The following PDE3B variants were observed in gnomAD, a reference collection of about 807,000 sequenced individuals.
The protein encoded by PDE3B is phosphodiesterase 3B.
In PDE3B, 66 loss-of-function variants were observed where a neutral mutation model predicts 116.8. The ratio of observed to expected loss-of-function variants is 0.56; its 90% confidence interval spans 0.46 to 0.69. The LOEUF is 0.69. Ranked by LOEUF, PDE3B falls within the 30% of genes least tolerant of loss-of-function variation. PDE3B has a pLI of 0.00. For missense variants in PDE3B, 1,384 were observed against 1,368.1 expected (o/e 1.01, Z -0.18); for synonymous variants, 595 against 533.6 (o/e 1.12, Z -1.59).
At chr11:14,788,298 A>G (rs2133918024) in intron 3 of PDE3B, among the ~76,000 whole-genome samples, 1 of 152,134 alleles carries the variant, frequency 6.6e-6, no homozygotes, top group East Asian at 1.9e-4. Context: ...ACTATCTTAT[A>G]CACATTAAGA....
chr11:14,661,292 G>A (rs1853897664), intron 1 of PDE3B, among the ~76,000 whole-genome samples: 1 of 152,192 alleles, frequency 6.6e-6, no homozygotes, highest in African/African-American at 2.4e-5. Context: ...ATGATAGACT[G>A]GATTAAGAAA....
At chr11:14,767,328 G>A (rs1300733049) in intron 1 of PDE3B, among the ~76,000 whole-genome samples, 1 of 151,496 alleles carries the variant, frequency 6.6e-6, no homozygotes, top group Non-Finnish European at 1.5e-5. Context: ...CCAGCTTTTA[G>A]ATAGTTGCTA....
intron 1 of PDE3B, among the ~76,000 whole-genome samples, chr11:14,722,647 G>T (rs1253046780): frequency 6.6e-6 from 1 of 152,162 alleles, no homozygotes; most frequent in African/African-American, 2.4e-5. Flanking sequence ...AACCATGTGA[G>T]CGAGCTGAGA....
At chr11:14,791,100 CTG>C (rs1858372872) in intron 4 of PDE3B, among the ~76,000 whole-genome samples, 1 of 152,020 alleles carries the variant, frequency 6.6e-6, no homozygotes, top group South Asian at 2.1e-4. Flanking sequence ...CCATATGTGA[CTG>C]TTTTGTAGAC....
intron 1 of PDE3B, among the ~76,000 whole-genome samples, chr11:14,751,009 TA>T (rs1454729071): frequency 2.0e-5 from 3 of 152,146 alleles, no homozygotes; most frequent in Non-Finnish European, 4.4e-5. Context: ...ACAAATACAA[TA>T]GGCATGTTGT....
intron 1 of PDE3B, among the ~76,000 whole-genome samples, chr11:14,726,279 T>A (rs1856303095): frequency 6.6e-6 from 1 of 152,204 alleles, no homozygotes; most frequent in African/African-American, 2.4e-5. Flanking sequence ...TCATCTAATA[T>A]GTTCTTGTTT....
the PDE3B span, chr11:14,892,295 T>G: frequency 7.8e-7 from 1 of 1,284,152 alleles, no homozygotes; most frequent in East Asian, 2.5e-5. Context: ...CAGGATACCC[T>G]CAGGTCCCGC....
At chr11:14,744,422 G>A (rs1438877532) in intron 1 of PDE3B, among the ~76,000 whole-genome samples, 5 of 152,176 alleles carry the variant, frequency 3.3e-5, no homozygotes, top group Non-Finnish European at 7.3e-5. Flanking sequence ...GTCCATGAAT[G>A]TGAATGTTTT....
intron 1 of PDE3B, among the ~76,000 whole-genome samples, chr11:14,685,444 ATCT>A (rs1854843640): frequency 1.2e-5 from 1 of 85,178 alleles, no homozygotes; most frequent in African/African-American, 3.9e-5. Flanking sequence ...CATTTTTCTC[ATCT>A]TTTTTTTTTT....
At position 14,789,176 on chromosome 11, in the gene PDE3B, T is replaced by C. The variant is rs1444154788; in HGVS notation, c.1349T>C (p.Val450Ala). 6.2e-7 allele frequency: 1 copy of C among 1,611,256 alleles called. No homozygotes were observed. The highest frequency in any genetic ancestry group is 2.2e-5 in the East Asian group (1 of 44,816). ...TCAGGAACTTCAGGATTGCTACCTG[T>C]TGAACAGTCTTCAAGGTGGGATCGT... ...RSSGTSGLLP[V>A]EQSSRWDRNN... The change falls in exon 4 of 16, where the codon GTT becomes GCT. Residue 450 changes from valine (V) to alanine (A), a missense_variant. Coordinates refer to ENST00000282096, the MANE Select transcript of PDE3B (RefSeq NM_000922.4).
intron 1 of PDE3B, among the ~76,000 whole-genome samples, chr11:14,680,681 A>C (rs1303899771): frequency 2.0e-5 from 3 of 152,224 alleles, no homozygotes; most frequent in Non-Finnish European, 4.4e-5. Context: ...AGTACTCATA[A>C]ATAAGTCTAA....
intron 12 of PDE3B, among the ~76,000 whole-genome samples, chr11:14,856,402 G>A (rs7105853): frequency 0.15 from 23,526 of 151,984 alleles, 2,235 homozygotes; most frequent in African/African-American, 0.27. Flanking sequence ...ACAGCTGTTT[G>A]TCAAGACTAT....
intron 11 of PDE3B, among the ~76,000 whole-genome samples, chr11:14,843,169 A>G (rs1847510621): frequency 6.6e-6 from 1 of 152,256 alleles, no homozygotes; most frequent in Non-Finnish European, 1.5e-5. Context: ...CCAGAAGCAC[A>G]GTGTGGATAG....
At position 14,710,243 on chromosome 11, in the gene PDE3B, A is replaced by G. The variant is rs532673577; in HGVS notation, c.979-61694A>G. Among the ~76,000 whole-genome samples, 4 of 152,304 alleles carry G rather than the reference A, an allele frequency of 2.6e-5. No homozygotes were observed. The South Asian group carries it at 6.2e-4, about 24-fold the overall frequency. On this transcript the variant is annotated intron_variant, in intron 1 of 15. Coordinates refer to ENST00000282096, the MANE Select transcript of PDE3B (RefSeq NM_000922.4). ...GTGCTCCTTCAATGAGATAGTGTAT[A>G]TAAAGGTCTAGTGTGGGCTCTGGCA... is the stretch of plus-strand genomic sequence containing the variant.
At chr11:14,715,009 C>G (rs1328957583) in intron 1 of PDE3B, among the ~76,000 whole-genome samples, 2 of 151,994 alleles carry the variant, frequency 1.3e-5, no homozygotes, top group African/African-American at 4.8e-5. Context: ...GCCAATTCTT[C>G]AGTAAAATTA....
chr11:14,737,631 T>C (rs1426321635), intron 1 of PDE3B, among the ~76,000 whole-genome samples: 1 of 152,222 alleles, frequency 6.6e-6, no homozygotes, highest in Non-Finnish European at 1.5e-5. Context: ...TTTTTTATTA[T>C]TATACTTTAA....
rs556170828 is a variant in PDE3B at position 14,673,338 on chromosome 11, A to G, written c.978+28285A>G. Among the ~76,000 whole-genome samples the G allele has an allele frequency of 1.9e-4, 29 of 152,266 alleles. 1 individual carries two copies. The highest frequency in any genetic ancestry group is 1.9e-3 in the South Asian group (9 of 4,822). ...TCAAAAGCAGCTTTGTCAACTAGGCAGTAAAACACTCTACAGCATATCCTC... is the reference window on the plus strand; with the variant it reads ...TCAAAAGCAGCTTTGTCAACTAGGCGGTAAAACACTCTACAGCATATCCTC... On this transcript the variant is annotated intron_variant, in intron 1 of 15. Transcript: ENST00000282096.
intron 1 of PDE3B, among the ~76,000 whole-genome samples, chr11:14,755,186 T>C (rs1210817754): frequency 6.6e-6 from 1 of 152,212 alleles, no homozygotes; most frequent in Non-Finnish European, 1.5e-5. Context: ...GTCAAGCCAC[T>C]GTATATGTCA....
chr11:14,700,054 C>T (rs535075777), intron 1 of PDE3B, among the ~76,000 whole-genome samples: 24 of 151,602 alleles, frequency 1.6e-4, no homozygotes, highest in Non-Finnish European at 3.1e-4. Context: ...ACTATTTTTA[C>T]CCATGGTCAC....
Sources: gnomAD v4.1 joint callset for allele counts (sites outside exome capture counted in the v4.1 genomes callset) on GRCh38, gnomAD v4.1.1 for gene constraint, MANE v1.5 for transcripts, NCBI Gene and HGNC (gene_info 2026-07-23, HGNC 2026-07-21) for gene names.